The following RCC1 variants were observed in gnomAD, a reference collection of about 807,000 sequenced individuals.
The protein encoded by RCC1 is regulator of chromosome condensation 1, also known as regulator of chromosome condensation.
Under a neutral mutation model 44.4 loss-of-function variants are expected in RCC1, and 11 were observed. That is an observed-to-expected ratio of 0.25 (90% CI 0.16 to 0.41). RCC1 has a LOEUF of 0.41. Ranked by LOEUF, RCC1 falls within the 10% of genes least tolerant of loss-of-function variation. The probability of loss-of-function intolerance (pLI) is 1.00; values close to 1 mark genes in which losing one functional copy is unlikely to be tolerated. For missense variants in RCC1, 386 were observed against 547.1 expected, an observed-to-expected ratio of 0.71 and a Z score of 2.94; for synonymous variants, 213 against 216.5, an observed-to-expected ratio of 0.98 and a Z score of 0.14.
In RCC1 at chr1:28,536,690, C is replaced by T. The variant is rs1373715020; in HGVS notation, c.938-57C>T. Reference sequence around the variant, plus strand: ...CAGGTGGACTCACCTAGCCTGCCACCCATTTTGCCTGTAGCACGCCCTCTG... The same window carrying T: ...CAGGTGGACTCACCTAGCCTGCCACTCATTTTGCCTGTAGCACGCCCTCTG... On this transcript the variant is annotated intron_variant, in intron 11 of 12. Coordinates refer to ENST00000683442, the MANE Select transcript of RCC1 (RefSeq NM_001381865.2). This position sits in a 1 kb window ranked among gnomAD's most constrained non-coding sequence, Gnocchi z 4.9. The T allele has an allele frequency of 6.3e-7, 1 of 1,588,248 alleles. No individual in the cohort carries two copies. Among genetic ancestry groups the T allele is most frequent in the Non-Finnish European group, 8.6e-7 (1 of 1,163,566 alleles).
chr1:28,527,592 C>T (rs1663756736), intron 4 of RCC1, among the ~76,000 whole-genome samples: 1 of 152,148 alleles, frequency 6.6e-6, no homozygotes, highest in African/African-American at 2.4e-5. Flanking sequence ...TTCTCCCCCT[C>T]TGATTATAAC....
At chr1:28,514,086 T>G (rs754539009) in intron 3 of RCC1, among the ~76,000 whole-genome samples, 3 of 149,578 alleles carry the variant, frequency 2.0e-5, no homozygotes, top group Non-Finnish European at 1.5e-5. Context: ...GAAGATTGCT[T>G]GAACCTGGAA....
In RCC1 at chr1:28,538,585, C is replaced by T. The variant is rs919341628; in HGVS notation, c.*578C>T. 6.6e-6 allele frequency: 1 copy of T among 152,286 alleles called. No homozygotes were observed. Among genetic ancestry groups the T allele is most frequent in the Non-Finnish European group, 1.5e-5 (1 of 68,096 alleles). 9.4% of individuals were successfully genotyped at this position (152,286 alleles called of 1,614,324 possible). A position where few individuals can be genotyped will look rare whatever the true frequency, so the allele number is the denominator to read the frequency against. On this transcript the variant is annotated 3_prime_UTR_variant, in exon 13 of 13. Coordinates refer to ENST00000683442, the MANE Select transcript of RCC1 (RefSeq NM_001381865.2). ...TGTCCATGGGACAAAAAAGAACGAT[C>T]CTCCACTTGACCAAGAAAAAAGTGA... is the stretch of plus-strand genomic sequence containing the variant.
chr1:28,517,324 T>C (rs1348478017), intron 4 of RCC1, among the ~76,000 whole-genome samples: 2 of 152,134 alleles, frequency 1.3e-5, no homozygotes, highest in African/African-American at 4.8e-5. Context: ...GACAGCCTTT[T>C]CTTGGTACCT....
intron 3 of RCC1, chr1:28,509,693 G>T (rs933573779): frequency 2.0e-5 from 3 of 152,192 alleles, no homozygotes; most frequent in Non-Finnish European, 4.4e-5. Context: ...AATCTGAATG[G>T]TACTGTTGAA....
At chr1:28,512,622 G>T (rs569732066) in intron 3 of RCC1, among the ~76,000 whole-genome samples, 1 of 152,006 alleles carries the variant, frequency 6.6e-6, no homozygotes, top group East Asian at 1.9e-4. Flanking sequence ...TTTTTCTAAT[G>T]TAGGCATTTA....
intron 3 of RCC1, among the ~76,000 whole-genome samples, chr1:28,513,389 T>G (rs1351441850): frequency 6.6e-6 from 1 of 151,974 alleles, no homozygotes; most frequent in Admixed American, 6.6e-5. Context: ...GAGATGGGGT[T>G]TCACCATGTT....
intron 7 of RCC1, 176 bp downstream of exon 7, chr1:28,532,526 G>T (rs539715996): frequency 1.6e-6 from 1 of 618,338 alleles, no homozygotes; most frequent in Non-Finnish European, 2.8e-6. Flanking sequence ...GCCTGTCCAC[G>T]CCACTGGCTG....
chr1:28,522,980 T>G lies in RCC1; in HGVS notation c.-10+6113T>G, dbSNP rs1046819252. ...GGAGGAGACACAGTTCCAGGCAAGC[T>G]GAGAGACTACTAGGGAGCATGGGGA... On this transcript the variant is annotated intron_variant, in intron 4 of 12. Coordinates refer to ENST00000683442, the MANE Select transcript of RCC1 (RefSeq NM_001381865.2). Among the ~76,000 whole-genome samples the G allele has an allele frequency of 1.3e-4, 19 of 149,750 alleles. 1 individual carries two copies. The highest frequency in any genetic ancestry group is 9.4e-4 in the Admixed American group (14 of 14,944).
chr1:28,522,250 A>G, intron 4 of RCC1, among the ~76,000 whole-genome samples: 1 of 152,174 alleles, frequency 6.6e-6, no homozygotes, highest in Non-Finnish European at 1.5e-5. Context: ...GGGATAAGGG[A>G]TGGGAAGGCG....
In RCC1 at chr1:28,532,273, G is replaced by C; in HGVS notation, c.364G>C (p.Val122Leu). 4 of 1,614,184 alleles carry C rather than the reference G, an allele frequency of 2.5e-6. No homozygotes were observed. The highest frequency in any genetic ancestry group is 3.4e-6 in the Non-Finnish European group (4 of 1,180,028). The change falls in exon 7 of 13, where the codon GTA (valine) becomes CTA (leucine). Residue 122 changes from valine to leucine, a missense_variant. Val to Leu is a conservative substitution (Grantham distance 32, BLOSUM62 1). Coordinates refer to ENST00000683442, the MANE Select transcript of RCC1 (RefSeq NM_001381865.2). ...GAAAGTGGAGCTGCAAGAGAAGGTG[G>C]TACAGGTGTCAGCAGGAGACAGTCA... ...PGKVELQEKV[V>L]QVSAGDSHTA...
At position 28,516,242 on chromosome 1, in the gene RCC1, G is replaced by A. The variant is rs949860832; in HGVS notation, c.-152-483G>A. Among the ~76,000 whole-genome samples the A allele has an allele frequency of 1.6e-4, 24 of 151,828 alleles. 1 individual carries two copies. In the South Asian group the frequency reaches 2.1e-3, roughly 13 times the overall value. On this transcript the variant is annotated intron_variant, in intron 3 of 12. Coordinates refer to ENST00000683442, the MANE Select transcript of RCC1 (RefSeq NM_001381865.2). ...AAGTACAAAAATTAAGGCTGGGCGC[G>A]GAGGCTCACGCCTGTAAGCCCAGCA...
chr1:28,535,809 G>T, intron 9 of RCC1, 62 bp from the exon 10 acceptor site: 2 of 1,552,772 alleles, frequency 1.3e-6, no homozygotes, highest in South Asian at 2.4e-5. Context: ...AATTAAACTC[G>T]GGGCAGAGAG....
rs185276008 is a variant in RCC1 at position 28,525,103 on chromosome 1, C to T, written c.-9-4755C>T. The stretch of plus-strand genomic sequence containing the variant: ...TCTAAGGGGGTCTGCATGAAGAGGT[C>T]GTGATTGATTGAGCAAGCAGGGGAT... On this transcript the variant is annotated intron_variant, in intron 4 of 12. Transcript: ENST00000683442. 8.5e-5 allele frequency among the ~76,000 whole-genome samples: 13 copies of T among 152,074 alleles called. No individual in the cohort carries two copies. In the East Asian group the frequency reaches 1.9e-3, roughly 23 times the overall value.
chr1:28,535,059 G>A lies in RCC1; in HGVS notation c.451G>A (p.Gly151Ser), dbSNP rs780886920. ...TGTCCCTCCCTTCTAGGACAATAAC[G>A]GTGTGATTGGACTGTTGGAGCCCAT... ...FLWGSFRDNN[G>S]VIGLLEPMKK... The change falls in exon 8 of 13, where the codon GGT becomes AGT. Residue 151 changes from glycine (G) to serine (S), a missense_variant. By Grantham distance (56) the Gly-to-Ser change is moderately conservative. Coordinates refer to ENST00000683442, the MANE Select transcript of RCC1 (RefSeq NM_001381865.2). 2 of 1,612,922 alleles carry A rather than the reference G, an allele frequency of 1.2e-6. No individual in the cohort carries two copies.
intron 4 of RCC1, among the ~76,000 whole-genome samples, chr1:28,523,731 C>T (rs931984146): frequency 2.2e-4 from 34 of 152,328 alleles, no homozygotes; most frequent in Admixed American, 3.3e-4. Context: ...GTCTCCCTCC[C>T]AGGCACAGCA....
intron 1 of RCC1, chr1:28,507,212 T>C (rs1266901935): frequency 7.6e-6 from 3 of 395,016 alleles, no homozygotes; most frequent in Non-Finnish European, 1.5e-5. Flanking sequence ...TAGCTGAATA[T>C]GCATGTTACC....
At position 28,537,833 on chromosome 1, in the gene RCC1, T is replaced by C. The variant is rs775852238; in HGVS notation, c.1092T>C (p.Gly364=). The part of the protein sequence containing the change: ...ASVGYAVTKD[G]RVFAWGMGTN... ...TGTACCCATTTCTCTCTCTTGCAGG[T>C]CGTGTTTTCGCCTGGGGCATGGGCA... The change falls in exon 13 of 13, where the codon GGT becomes GGC. Residue 364 remains glycine (G), a splice_region_variant and synonymous_variant. Coordinates refer to ENST00000683442, the MANE Select transcript of RCC1 (RefSeq NM_001381865.2). The C allele has an allele frequency of 1.2e-6, 2 of 1,611,270 alleles. No homozygotes were observed. Among genetic ancestry groups the C allele is most frequent in the South Asian group, 2.2e-5 (2 of 90,590 alleles).
chr1:28,534,183 C>G (rs1011289859), intron 7 of RCC1, among the ~76,000 whole-genome samples: 1 of 151,450 alleles, frequency 6.6e-6, no homozygotes, highest in Non-Finnish European at 1.5e-5. Flanking sequence ...GGCCTCTTTT[C>G]TTTTTTCTTT....
Sources: allele counts gnomAD v4.1 joint callset (sites outside exome capture counted in the v4.1 genomes callset), GRCh38; gene constraint gnomAD v4.1.1; non-coding constraint Gnocchi (gnomAD v3.1); transcripts MANE v1.5; gene names NCBI Gene and HGNC (gene_info 2026-07-23, HGNC 2026-07-21).